SPATA19: variants seen among roughly 807,000 people sequenced by gnomAD.
SPATA19 encodes the protein spermatogenesis associated 19.
SPATA19 carries 19 observed loss-of-function variants against 25.0 expected under a neutral mutation model. That is an observed-to-expected ratio of 0.76 (90% confidence interval 0.53 to 1.11). The LOEUF (loss-of-function observed/expected upper bound fraction) is 1.11. SPATA19 is among the 50% of genes most tolerant of loss of function. The probability of loss-of-function intolerance (pLI) is 0.00; values close to 1 mark genes in which losing one functional copy is unlikely to be tolerated. For missense variants in SPATA19, 222 were observed against 211.4 expected, an observed-to-expected ratio of 1.05 and a Z score of -0.31; for synonymous variants, 64 against 69.3, an observed-to-expected ratio of 0.92 and a Z score of 0.38.
intron 6 of SPATA19, among the ~76,000 whole-genome samples, chr11:133,841,240 T>C (rs1237068360): frequency 6.6e-6 from 1 of 152,210 alleles, no homozygotes; most frequent in Non-Finnish European, 1.5e-5. Context: ...ACTTAAGTTC[T>C]GCCTTCTGTA....
downstream of SPATA19, among the ~76,000 whole-genome samples, chr11:133,836,923 C>A (rs1938223025): frequency 6.6e-6 from 1 of 152,144 alleles, no homozygotes; most frequent in Admixed American, 6.5e-5. Context: ...TGACTCTGGT[C>A]AAGGTACTTA....
chr11:133,843,767 G>A (rs1938361006), intron 4 of SPATA19, among the ~76,000 whole-genome samples: 1 of 152,180 alleles, frequency 6.6e-6, no homozygotes, highest in Non-Finnish European at 1.5e-5. Context: ...AGCATCTGCA[G>A]AGCCACGAGA....
rs1445929975 is a variant in SPATA19, at chr11:133,845,213, T to C, written c.79-23A>G. 2.5e-6 allele frequency: 4 copies of C among 1,613,606 alleles called. No individual in the cohort carries two copies. The South Asian group carries it at 4.4e-5, about 18-fold the overall frequency. On this transcript the variant is annotated intron_variant, in intron 1 of 6. Transcript: ENST00000299140. ...GTCCTGGAACAAATTGGCAAGTTGG[T>C]GACCTCAGAAAACCTAGAAATTCAG... is the stretch of plus-strand genomic sequence containing the variant.
At chr11:133,841,913 C>A in intron 6 of SPATA19, 117 bp downstream of exon 6, 1 of 988,930 alleles carries the variant, frequency 1.0e-6, no homozygotes, top group East Asian at 2.4e-5. Context: ...GAGTGCAGGC[C>A]CTTCCCCAGT....
At chr11:133,840,174 G>C (rs551224722), downstream of SPATA19, among the ~76,000 whole-genome samples, 16 of 152,246 alleles carry the variant, frequency 1.1e-4, no homozygotes, top group African/African-American at 3.6e-4. Flanking sequence ...AAAAAAGATT[G>C]TCAGCCTAGA....
At chr11:133,836,978 C>A (rs779580324), downstream of SPATA19, among the ~76,000 whole-genome samples, 7 of 152,168 alleles carry the variant, frequency 4.6e-5, no homozygotes, top group Non-Finnish European at 7.3e-5. Flanking sequence ...ATACTAATAT[C>A]TATGCCAAAG....
downstream of SPATA19, among the ~76,000 whole-genome samples, chr11:133,836,325 G>T (rs1315197665): frequency 3.3e-5 from 5 of 152,172 alleles, no homozygotes; most frequent in East Asian, 9.7e-4. Context: ...GCAAAGGGAG[G>T]CTGGGAGGGA....
intron 6 of SPATA19, among the ~76,000 whole-genome samples, chr11:133,841,148 T>C (rs1938299146): frequency 6.6e-6 from 1 of 152,152 alleles, no homozygotes; most frequent in Non-Finnish European, 1.5e-5. Flanking sequence ...TCTGTTGCAT[T>C]GAGGAAATTG....
rs1938289998 is a variant in SPATA19 at position 133,840,884 on chromosome 11, C to G, written c.*49G>C. 1.3e-5 allele frequency: 2 copies of G among 152,260 alleles called. No homozygotes were observed. The highest frequency in any genetic ancestry group is 2.1e-4 in the South Asian group (1 of 4,812). 9.4% of individuals were successfully genotyped at this position (152,260 alleles called of 1,614,324 possible). On this transcript the variant is annotated 3_prime_UTR_variant, in exon 7 of 7. Transcript: ENST00000299140. Reference sequence around the variant, plus strand: ...CCAAGGGGTAGGGCTGATGATGACTCCCTGTAACCCCACTGTTCTCCGCGT... The same window carrying G: ...CCAAGGGGTAGGGCTGATGATGACTGCCTGTAACCCCACTGTTCTCCGCGT...
chr11:133,845,344 A>G, intron 1 of SPATA19, 25 bp downstream of exon 1: 1 of 1,578,288 alleles, frequency 6.3e-7, no homozygotes. Flanking sequence ...AAATTATTCC[A>G]TGTGACTACC....
At chr11:133,844,466 C>G (rs748597393) in intron 3 of SPATA19, 43 bp downstream of exon 3, 1 of 1,614,006 alleles carries the variant, frequency 6.2e-7, no homozygotes, top group Admixed American at 1.7e-5. Context: ...TCTCCCCTCT[C>G]CCTCACCGCT....
At chr11:133,839,226 G>GCACA (rs1167245823), downstream of SPATA19, among the ~76,000 whole-genome samples, 218 of 152,222 alleles carry the variant, frequency 1.4e-3, 1 homozygote, top group African/African-American at 4.6e-3. Flanking sequence ...AAAGACACAT[G>GCACA]CACACGTATG....
chr11:133,839,146 A>G (rs1055033504), downstream of SPATA19, among the ~76,000 whole-genome samples: 9 of 152,244 alleles, frequency 5.9e-5, no homozygotes, highest in African/African-American at 2.2e-4. Context: ...ATCTAGAACT[A>G]GAAATACCAT....
At position 133,844,581 on chromosome 11, in the gene SPATA19, C is replaced by T. The variant is rs138068697; in HGVS notation, c.195G>A (p.Gln65=). The T allele has an allele frequency of 2.9e-5, 47 of 1,613,928 alleles. 1 individual carries two copies. The Admixed American group carries it at 4.2e-4, about 14-fold the overall frequency. The part of the protein sequence containing the change: ...KEKLSINHPS[Q]GVREKMSTDS... ...CAGTGGACATCTTCTCCCTTACACCCTGGGAAGGGTGGTTGATGGACAGCT... is the reference window on the plus strand; with the variant it reads ...CAGTGGACATCTTCTCCCTTACACCTTGGGAAGGGTGGTTGATGGACAGCT... Residue 65 remains glutamine, a synonymous_variant, in exon 3 of 7, where the codon CAG becomes CAA. Transcript: ENST00000299140.
Position 133,844,652 on chromosome 11 carries a change from G to A in SPATA19, c.136-12C>T. On this transcript the variant is annotated splice_polypyrimidine_tract_variant and intron_variant, in intron 2 of 6. Coordinates refer to ENST00000299140, the MANE Select transcript of SPATA19 (RefSeq NM_174927.3). ...GCCTCTTCTTCTGTCTGAAAGGTGA[G>A]AAATTCCCTCTGAAAATGTCACTCT... 6.3e-7 allele frequency: 1 copy of A among 1,579,990 alleles called. No individual in the cohort carries two copies. Among genetic ancestry groups the A allele is most frequent in the South Asian group, 1.2e-5 (1 of 84,698 alleles).
intron 2 of SPATA19, 79 bp downstream of exon 2, chr11:133,845,055 G>A (rs1938390844): frequency 8.3e-7 from 1 of 1,209,372 alleles, no homozygotes; most frequent in Non-Finnish European, 1.2e-6. Flanking sequence ...CATGAAGAAG[G>A]AAGTCCAGAT....
intron 4 of SPATA19, among the ~76,000 whole-genome samples, chr11:133,843,861 C>A (rs137904597): frequency 2.0e-5 from 3 of 152,234 alleles, no homozygotes; most frequent in African/African-American, 7.2e-5. Flanking sequence ...TAGCCTCGGG[C>A]GCTGGGAAGC....
Position 133,842,110 on chromosome 11 carries a change from A to C in SPATA19, c.438-5T>G. On this transcript the variant is annotated splice_polypyrimidine_tract_variant and splice_region_variant and intron_variant, in intron 5 of 6. Transcript: ENST00000299140. Reference sequence around the variant, plus strand: ...ACATCTGTAAGACGGGATATGCTGCAGGGGACAGAGGAGAAGGGCCAGGTG... The same window carrying C: ...ACATCTGTAAGACGGGATATGCTGCCGGGGACAGAGGAGAAGGGCCAGGTG... 4 of 1,613,914 alleles carry C rather than the reference A, an allele frequency of 2.5e-6. No individual in the cohort carries two copies. The highest frequency in any genetic ancestry group is 3.4e-6 in the Non-Finnish European group (4 of 1,179,978).
Position 133,840,633 on chromosome 11 carries a change from T to C in SPATA19, c.*300A>G, listed in dbSNP as rs544779121. On this transcript the variant is annotated 3_prime_UTR_variant, in exon 7 of 7. Coordinates refer to ENST00000299140, the MANE Select transcript of SPATA19 (RefSeq NM_174927.3). The stretch of plus-strand genomic sequence containing the variant: ...GCACCCCAACCAGCAACAGGGCGGG[T>C]TGTTAAACAGCACATCTCTTTATTC... 64 of 152,060 alleles carry C rather than the reference T, an allele frequency of 4.2e-4. No homozygotes were observed. The highest frequency in any genetic ancestry group is 1.2e-3 in the African/African-American group (49 of 41,448). 9.4% of individuals were successfully genotyped at this position (152,060 alleles called of 1,614,324 possible).
Sources: allele counts gnomAD v4.1 joint callset (sites outside exome capture counted in the v4.1 genomes callset), GRCh38; gene constraint gnomAD v4.1.1; transcripts MANE v1.5; gene names NCBI Gene and HGNC (gene_info 2026-07-23, HGNC 2026-07-21).